NGEF: variants seen among roughly 807,000 people sequenced by gnomAD.
The protein encoded by NGEF is neuronal guanine nucleotide exchange factor.
In NGEF, 31 loss-of-function variants were observed where a neutral mutation model predicts 80.9. The observed-to-expected ratio is 0.38, with a 90% CI of 0.29 to 0.52. The LOEUF is 0.52. Among genes scored for constraint, NGEF ranks in the 20% least tolerant of loss-of-function variants. The pLI, the probability that NGEF is intolerant of heterozygous loss-of-function variation, is 0.84. For missense variants in NGEF, 709 were observed against 926.2 expected, an observed-to-expected ratio of 0.77 and a Z score of 3.04; for synonymous variants, 371 against 370.2, an observed-to-expected ratio of 1.00 and a Z score of -0.03.
intron 3 of NGEF, among the ~76,000 whole-genome samples, chr2:232,943,499 AT>A (rs72110776): frequency 1.7e-3 from 245 of 142,996 alleles, no homozygotes; most frequent in African/African-American, 3.4e-3. Flanking sequence ...AATGCTCTAC[AT>A]TTTTTTTTTT....
intron 3 of NGEF, among the ~76,000 whole-genome samples, chr2:232,948,340 G>A (rs368955158): frequency 2.0e-5 from 3 of 152,096 alleles, no homozygotes; most frequent in East Asian, 1.9e-4. Flanking sequence ...ACAGGCGCCC[G>A]CCACCATGCT....
intron 5 of NGEF, among the ~76,000 whole-genome samples, chr2:232,900,160 T>A: frequency 8.7e-6 from 1 of 114,908 alleles, no homozygotes; most frequent in Admixed American, 9.2e-5. Context: ...TCACAGTCAC[T>A]CATATACACG....
In NGEF at chr2:232,970,322, T is replaced by C; in HGVS notation, c.275A>G (p.Gln92Arg). ...ERNASCLADS[Q>R]DNGKSVNEPL... is the part of the protein sequence containing the mutation. ...CTCATTTACAGATTTTCCATTGTCC[T>C]GTGAATCTGTGACAATTCAGAAATG... Residue 92 changes from glutamine (Q) to arginine (R), a missense_variant, in exon 3 of 15, where the codon CAG becomes CGG. By Grantham distance (43) the Gln-to-Arg change is conservative. This residue lies in a region of NGEF where 283 missense variants were observed against 303.4 expected (regional missense o/e 0.93). Coordinates refer to ENST00000264051, the MANE Select transcript of NGEF (RefSeq NM_019850.3). The C allele has an allele frequency of 6.3e-7, 1 of 1,583,892 alleles. No individual in the cohort carries two copies. Among genetic ancestry groups the C allele is most frequent in the South Asian group, 1.1e-5 (1 of 87,980 alleles).
chr2:233,000,758 T>C (rs2106343042), intron 1 of NGEF, among the ~76,000 whole-genome samples: 1 of 97,686 alleles, frequency 1.0e-5, no homozygotes, highest in East Asian at 2.3e-4. Context: ...AGACTCTGTC[T>C]CAAAAAAAAA....
chr2:232,980,913 G>T (rs905792944), intron 1 of NGEF, among the ~76,000 whole-genome samples: 1 of 152,014 alleles, frequency 6.6e-6, no homozygotes, highest in South Asian at 2.1e-4. Flanking sequence ...CGAGAGCAGC[G>T]GCCCTTGCTT....
intron 1 of NGEF, among the ~76,000 whole-genome samples, chr2:233,002,956 A>C (rs6720354): frequency 1.3e-5 from 2 of 151,930 alleles, no homozygotes; most frequent in Non-Finnish European, 2.9e-5. Flanking sequence ...CCCTTCTTAC[A>C]CTGACCTCAG....
chr2:233,013,155 A>C lies in NGEF; in HGVS notation c.-162T>G, dbSNP rs111339824. On this transcript the variant is annotated 5_prime_UTR_variant, in exon 1 of 15. Transcript: ENST00000264051. ...TCCTGTCCAGGCACCTGCGAGCAGG[A>C]TGGTGTGTCCCCGGCTAAATCCACA... The C allele has an allele frequency of 7.6e-3, 3,578 of 471,136 alleles. 73 individuals are homozygous for C. The highest frequency in any genetic ancestry group is 0.048 in the African/African-American group (2,424 of 50,144). The allele number at this position is 471,136 out of a possible 1,614,324, so 29.2% of individuals were successfully genotyped here.
intron 5 of NGEF, chr2:232,901,306 G>A (rs12612786): frequency 0.025 from 23,164 of 942,676 alleles, 617 homozygotes; most frequent in East Asian, 0.23. Context: ...TCAACCCTGC[G>A]TTCCCCACCC....
intron 5 of NGEF, among the ~76,000 whole-genome samples, chr2:232,898,136 C>T (rs1692158329): frequency 6.6e-6 from 1 of 152,234 alleles, no homozygotes; most frequent in South Asian, 2.1e-4. Context: ...ATTTAAGTTT[C>T]CTAAGAAAAT....
chr2:232,972,305 A>T (rs1694210286), intron 2 of NGEF, among the ~76,000 whole-genome samples: 1 of 152,228 alleles, frequency 6.6e-6, no homozygotes, highest in Non-Finnish European at 1.5e-5. Context: ...TATTTCATCG[A>T]TATTTTTTAT....
rs553918344 is a variant in NGEF at position 232,948,919 on chromosome 2, G to A, written c.383+21295C>T. Among the ~76,000 whole-genome samples the A allele has an allele frequency of 3.3e-5, 5 of 152,244 alleles. No homozygotes were observed. The South Asian group carries it at 1.0e-3, about 32-fold the overall frequency. On this transcript the variant is annotated intron_variant, in intron 3 of 14. Transcript: ENST00000264051. ...CGTAATCCCAGCTGCTCAGGAGGCT[G>A]AGGCAGGAGAATCGCTTGAATCCAG...
intron 2 of NGEF, among the ~76,000 whole-genome samples, chr2:232,974,009 A>G (rs1228235785): frequency 6.6e-6 from 1 of 152,154 alleles, no homozygotes; most frequent in African/African-American, 2.4e-5. Context: ...CTTCACCCCC[A>G]GCAGGCTGCC....
chr2:232,880,856 G>A (rs1691478337), intron 14 of NGEF, among the ~76,000 whole-genome samples: 1 of 152,064 alleles, frequency 6.6e-6, no homozygotes, highest in African/African-American at 2.4e-5. Context: ...GGCCAGGGGA[G>A]GGGGACACGA....
chr2:232,925,736 A>G (rs1030849446), intron 4 of NGEF, among the ~76,000 whole-genome samples: 44 of 152,206 alleles, frequency 2.9e-4, no homozygotes, highest in African/African-American at 9.4e-4. Context: ...GCATATGCTA[A>G]GTCAGATGTG....
chr2:232,977,533 G>A (rs1049767873), intron 1 of NGEF, among the ~76,000 whole-genome samples: 4 of 152,126 alleles, frequency 2.6e-5, no homozygotes, highest in Non-Finnish European at 4.4e-5. Flanking sequence ...TTCTTTCCCC[G>A]GCCCCTGTGC....
chr2:232,897,593 G>A (rs1032182571), intron 5 of NGEF, among the ~76,000 whole-genome samples: 3 of 152,148 alleles, frequency 2.0e-5, no homozygotes, highest in Admixed American at 1.3e-4. Context: ...AATAAGGGAC[G>A]AATCTGGAAG....
chr2:232,883,052 AACACACACACAC>A (rs57854484), intron 12 of NGEF, among the ~76,000 whole-genome samples: 3,312 of 150,278 alleles, frequency 0.022, 77 homozygotes, highest in Admixed American at 0.061. Flanking sequence ...GCCCCAAGGG[AACACACACACAC>A]ACACACACAC....
At chr2:232,897,319 G>A (rs537122413) in intron 5 of NGEF, among the ~76,000 whole-genome samples, 2 of 152,116 alleles carry the variant, frequency 1.3e-5, no homozygotes, top group East Asian at 1.9e-4. Flanking sequence ...TGGAGTGGTG[G>A]GGTTTTGCAG....
At chr2:232,886,958 G>A (rs1019757054) in intron 9 of NGEF, among the ~76,000 whole-genome samples, 6 of 152,368 alleles carry the variant, frequency 3.9e-5, no homozygotes, top group Admixed American at 1.3e-4. Flanking sequence ...TAGGCACAGC[G>A]TGTAACTGCC....
Sources: allele counts gnomAD v4.1 joint callset (sites outside exome capture counted in the v4.1 genomes callset), GRCh38; gene constraint gnomAD v4.1.1; regional missense constraint gnomAD v4.1.1; transcripts MANE v1.5; gene names NCBI Gene and HGNC (gene_info 2026-07-23, HGNC 2026-07-21).